Variants in GCSAML observed in about 807,000 individuals in gnomAD.
The protein encoded by GCSAML is germinal center-associated signaling and motility-like protein.
In GCSAML, 9 loss-of-function variants were observed where a neutral mutation model predicts 13.0. The ratio of observed to expected loss-of-function variants is 0.69; its 90% CI spans 0.42 to 1.21. The LOEUF is 1.21. Among genes scored for constraint, GCSAML ranks in the 50% most tolerant of loss-of-function variants. The pLI is 0.00. For missense variants in GCSAML, 143 were observed against 153.4 expected (o/e 0.93, Z 0.36); for synonymous variants, 37 against 52.9 (o/e 0.70, Z 1.31).
chr1:247,524,382 G>A (rs1666573660), intron 1 of GCSAML, among the ~76,000 whole-genome samples: 1 of 152,126 alleles, frequency 6.6e-6, no homozygotes, highest in Admixed American at 6.5e-5. Context: ...CCCATGCTGT[G>A]TGACTTCCTC....
At chr1:247,560,469 C>T (rs753070787) in intron 2 of GCSAML, among the ~76,000 whole-genome samples, 7 of 152,086 alleles carry the variant, frequency 4.6e-5, no homozygotes, top group African/African-American at 7.2e-5. Context: ...CACCTTAAGC[C>T]GCCTTCCTGA....
chr1:247,516,386 T>C (rs1338850912), intron 1 of GCSAML, among the ~76,000 whole-genome samples: 1 of 152,184 alleles, frequency 6.6e-6, no homozygotes, highest in African/African-American at 2.4e-5. Context: ...CTTGAGTAAA[T>C]GATTCCTTGT....
In GCSAML at chr1:247,575,451, C is replaced by T. The variant is rs376537843; in HGVS notation, c.*1069C>T. 5 of 152,194 alleles carry T rather than the reference C, an allele frequency of 3.3e-5. No homozygotes were observed. The highest frequency in any genetic ancestry group is 9.6e-5 in the African/African-American group (4 of 41,464). The allele number at this position is 152,194 out of a possible 1,614,324, so 9.4% of individuals were successfully genotyped here. A position where few individuals can be genotyped will look rare whatever the true frequency, so the allele number is the denominator to read the frequency against. ...TATTTCATCTTTGAGGTGTAATCTACTCAATAAACTGTGTAAGACCAGTGA... is the reference window on the plus strand; with the variant it reads ...TATTTCATCTTTGAGGTGTAATCTATTCAATAAACTGTGTAAGACCAGTGA... On this transcript the variant is annotated 3_prime_UTR_variant, in exon 5 of 5. Transcript: ENST00000366488.
chr1:247,526,818 T>G lies in GCSAML; in HGVS notation c.-262-122T>G. On this transcript the variant is annotated intron_variant, in intron 1 of 5. Transcript: ENST00000366489. The surrounding 1 kb of genome is among the most constrained non-coding windows in gnomAD (Gnocchi z 4.8). ...TATTCGGCTGAAAAGGGACCTGGCA[T>G]CGAAAGACAAGTGGTGTCCAATATG... 1 of 363,782 alleles carries G rather than the reference T, an allele frequency of 2.7e-6. No individual in the cohort carries two copies. Among genetic ancestry groups the G allele is most frequent in the Non-Finnish European group, 5.4e-6 (1 of 186,348 alleles). The allele number at this position is 363,782 out of a possible 1,614,324, so 22.5% of individuals were successfully genotyped here. A position where few individuals can be genotyped will look rare whatever the true frequency, so the allele number is the denominator to read the frequency against.
chr1:247,545,183 AT>A (rs754103605), upstream of GCSAML, among the ~76,000 whole-genome samples: 21 of 152,272 alleles, frequency 1.4e-4, no homozygotes, highest in Non-Finnish European at 2.5e-4. Context: ...TGGTTCCAAT[AT>A]TATCTGCAAA....
chr1:247,532,183 GC>G (rs1667006122), intron 2 of GCSAML: 1 of 1,613,984 alleles, frequency 6.2e-7, no homozygotes, highest in African/African-American at 1.3e-5. Context: ...ACACTCGGTT[GC>G]CCCCAGCCAA....
upstream of GCSAML, among the ~76,000 whole-genome samples, chr1:247,548,491 T>C (rs139349350): frequency 4.6e-5 from 7 of 152,222 alleles, no homozygotes; most frequent in East Asian, 1.4e-3. This position sits in a 1 kb window ranked among gnomAD's most constrained non-coding sequence, Gnocchi z 5.3. Context: ...ATTCTCATCC[T>C]TTTTTTTCCT....
chr1:247,532,585 A>G (rs1411947790), intron 2 of GCSAML: 5 of 1,341,274 alleles, frequency 3.7e-6, no homozygotes, highest in South Asian at 1.4e-5. Context: ...ACATGAAGCA[A>G]TTACATCAGT....
At position 247,526,972 on chromosome 1, in the gene GCSAML, A is replaced by ATTCC. The variant is rs1232713485; in HGVS notation, c.-229_-226dup. The ATTCC allele has an allele frequency of 6.6e-6, 3 of 456,622 alleles. No individual in the cohort carries two copies. The highest frequency in any genetic ancestry group is 6.0e-5 in the African/African-American group (3 of 50,080). 28.3% of individuals were successfully genotyped at this position (456,622 alleles called of 1,614,324 possible). On this transcript the variant is annotated 5_prime_UTR_variant, in exon 2 of 6. Transcript: ENST00000366489. This position sits in a 1 kb window ranked among gnomAD's most constrained non-coding sequence, Gnocchi z 4.8. Reference sequence around the variant, plus strand: ...TGCCTCAAGATGGTTATGTTGGAGGATTCCAATAGTTCTACTGGATGTGGA... The same window carrying ATTCC: ...TGCCTCAAGATGGTTATGTTGGAGGATTCCTTCCAATAGTTCTACTGGATGTGGA...
At chr1:247,545,667 T>G (rs1667543657), upstream of GCSAML, among the ~76,000 whole-genome samples, 1 of 152,234 alleles carries the variant, frequency 6.6e-6, no homozygotes, top group Non-Finnish European at 1.5e-5. Flanking sequence ...CTTGGCCATT[T>G]GTATGTCTTC....
chr1:247,568,939 G>C (rs1454918403), intron 4 of GCSAML, among the ~76,000 whole-genome samples: 1 of 151,712 alleles, frequency 6.6e-6, no homozygotes, highest in Non-Finnish European at 1.5e-5. Flanking sequence ...TTTGTATTGT[G>C]AATACAAAGA....
At chr1:247,519,009 G>A (rs1347253661) in intron 1 of GCSAML, among the ~76,000 whole-genome samples, 1 of 151,644 alleles carries the variant, frequency 6.6e-6, no homozygotes, top group Non-Finnish European at 1.5e-5. Context: ...AAAAAGCGCC[G>A]AGATTGTGCC....
chr1:247,507,768 T>C (rs1219930631), intron 1 of GCSAML, among the ~76,000 whole-genome samples: 3 of 152,162 alleles, frequency 2.0e-5, no homozygotes, highest in African/African-American at 4.8e-5. Flanking sequence ...ATGTGGTGTT[T>C]GGTTTTCTGT....
intron 1 of GCSAML, among the ~76,000 whole-genome samples, chr1:247,550,497 C>T (rs755092087): frequency 5.5e-4 from 84 of 152,060 alleles, no homozygotes; most frequent in Admixed American, 2.5e-3. Context: ...ATTAGCCGGG[C>T]GTGGTGGTGG....
rs145570712 is a variant in GCSAML, at chr1:247,540,068, G to GTC, written c.-147-8961_-147-8960dup. Among the ~76,000 whole-genome samples the GTC allele has an allele frequency of 7.9e-3, 1,194 of 151,420 alleles. 11 individuals are homozygous for GTC. The highest frequency in any genetic ancestry group is 0.027 in the African/African-American group (1,097 of 41,354). On this transcript the variant is annotated intron_variant, in intron 2 of 5. Transcript: ENST00000366489. ...TCTGCTGGTTCCTCTGCCTAGAATA[G>GTC]TCTCTCTCTCTCTCTCTTTTTGATA... is the stretch of plus-strand genomic sequence containing the variant.
intron 2 of GCSAML, among the ~76,000 whole-genome samples, chr1:247,537,337 A>G (rs1375509446): frequency 1.3e-5 from 2 of 152,234 alleles, no homozygotes; most frequent in Non-Finnish European, 2.9e-5. Flanking sequence ...ATTCCATTCT[A>G]TGACTCTACC....
chr1:247,548,458 C>G (rs1667654153), upstream of GCSAML, among the ~76,000 whole-genome samples: 1 of 151,734 alleles, frequency 6.6e-6, no homozygotes, highest in Non-Finnish European at 1.5e-5. This position sits in a 1 kb window ranked among gnomAD's most constrained non-coding sequence, Gnocchi z 5.3. Flanking sequence ...TTAACCTACC[C>G]CAAATAATTT....
At chr1:247,522,331 GGAGGTGGGGGACGCCTCTGC>G in intron 1 of GCSAML, among the ~76,000 whole-genome samples, 2 of 142,702 alleles carry the variant, frequency 1.4e-5, no homozygotes, top group Non-Finnish European at 3.1e-5. Flanking sequence ...GCCCCGTCTG[GGAGGTGGGGGACGCCTCTGC>G]CCGGCCGCCC....
chr1:247,537,149 G>T (rs555317413), intron 2 of GCSAML, among the ~76,000 whole-genome samples: 2 of 152,098 alleles, frequency 1.3e-5, no homozygotes, highest in South Asian at 4.1e-4. Flanking sequence ...CCCTAGCCCT[G>T]CCAGCCACTA....
Sources: allele counts gnomAD v4.1 joint callset (sites outside exome capture counted in the v4.1 genomes callset), GRCh38; gene constraint gnomAD v4.1.1; non-coding constraint Gnocchi (gnomAD v3.1); transcripts MANE v1.5; gene names NCBI Gene and HGNC (gene_info 2026-07-23, HGNC 2026-07-21).